Variants in LRRTM4 observed in about 807,000 individuals in gnomAD.
LRRTM4 encodes leucine rich repeat transmembrane neuronal 4.
A neutral mutation model predicts 47.6 loss-of-function variants in LRRTM4; 25 were observed. The ratio of observed to expected loss-of-function variants is 0.53; its 90% CI spans 0.38 to 0.73. LRRTM4 has a LOEUF of 0.73. Among genes scored for constraint, LRRTM4 ranks in the 30% least tolerant of loss-of-function variants. The probability of loss-of-function intolerance (pLI) is 0.00; values close to 1 mark genes in which losing one functional copy is unlikely to be tolerated. For missense variants in LRRTM4, 638 were observed against 713.4 expected (o/e 0.89, Z 1.20); for synonymous variants, 311 against 269.5 (o/e 1.15, Z -1.51).
At chr2:77,276,037 G>C (rs1381102164) in intron 3 of LRRTM4, among the ~76,000 whole-genome samples, 1 of 151,946 alleles carries the variant, frequency 6.6e-6, no homozygotes, top group Non-Finnish European at 1.5e-5. Context: ...TAGGAAAAGT[G>C]TGACTGAAAT....
intron 3 of LRRTM4, among the ~76,000 whole-genome samples, chr2:77,259,004 C>T (rs1002285703): frequency 2.6e-5 from 4 of 151,910 alleles, no homozygotes; most frequent in Non-Finnish European, 5.9e-5. Context: ...TACTAGGAAA[C>T]ATCAAAACAC....
At chr2:77,011,849 T>G (rs1159567139) in intron 3 of LRRTM4, among the ~76,000 whole-genome samples, 2 of 152,124 alleles carry the variant, frequency 1.3e-5, no homozygotes, top group Non-Finnish European at 2.9e-5. Flanking sequence ...CAAGAGATTG[T>G]GTAAATTTAC....
chr2:76,795,818 A>G (rs1675271431), intron 3 of LRRTM4, among the ~76,000 whole-genome samples: 1 of 152,070 alleles, frequency 6.6e-6, no homozygotes, highest in African/African-American at 2.4e-5. Flanking sequence ...AGGAGCCAAG[A>G]TGGCCAAATA....
intron 3 of LRRTM4, among the ~76,000 whole-genome samples, chr2:77,414,484 G>A (rs1674564122): frequency 6.6e-6 from 1 of 152,166 alleles, no homozygotes; most frequent in Admixed American, 6.5e-5. Context: ...TGTTCCCAAT[G>A]AGCCCTGTTC....
chr2:77,343,307 T>C (rs1376635355), intron 3 of LRRTM4, among the ~76,000 whole-genome samples: 1 of 151,942 alleles, frequency 6.6e-6, no homozygotes, highest in East Asian at 1.9e-4. Flanking sequence ...TGTCATAAAA[T>C]AGATTTTTCC....
At chr2:77,124,068 C>A (rs1200966979) in intron 3 of LRRTM4, among the ~76,000 whole-genome samples, 2 of 151,258 alleles carry the variant, frequency 1.3e-5, no homozygotes, top group Non-Finnish European at 2.9e-5. Context: ...GTGATCTACT[C>A]ATTTTTCTAG....
intron 3 of LRRTM4, among the ~76,000 whole-genome samples, chr2:76,814,603 T>C (rs374620048): frequency 6.6e-6 from 1 of 152,084 alleles, no homozygotes; most frequent in South Asian, 2.1e-4. Flanking sequence ...GTATTAGGTA[T>C]TATAAGTAAT....
chr2:76,833,027 G>A (rs542077589), intron 3 of LRRTM4, among the ~76,000 whole-genome samples: 27 of 152,184 alleles, frequency 1.8e-4, no homozygotes, highest in African/African-American at 6.3e-4. Flanking sequence ...TGCTACTTTG[G>A]TGGGAAGAGT....
chr2:76,786,949 G>C (rs11896684), intron 3 of LRRTM4, among the ~76,000 whole-genome samples: 10,186 of 151,984 alleles, frequency 0.067, 1,092 homozygotes, highest in African/African-American at 0.23. Flanking sequence ...AAAGCTGTTT[G>C]TTAGGCACAA....
intron 3 of LRRTM4, among the ~76,000 whole-genome samples, chr2:76,776,939 G>GGT (rs1176734843): frequency 7.3e-6 from 1 of 136,158 alleles, no homozygotes; most frequent in Non-Finnish European, 1.6e-5. Context: ...TTTTGTATAA[G>GGT]GTGTAAGGAA....
intron 3 of LRRTM4, among the ~76,000 whole-genome samples, chr2:77,197,700 T>C (rs1214519797): frequency 6.6e-6 from 1 of 152,230 alleles, no homozygotes; most frequent in East Asian, 1.9e-4. Flanking sequence ...TAAGCCCTTT[T>C]AGCTGACCTT....
At chr2:76,808,906 A>T (rs998767697) in intron 3 of LRRTM4, among the ~76,000 whole-genome samples, 4 of 152,104 alleles carry the variant, frequency 2.6e-5, no homozygotes, top group Non-Finnish European at 4.4e-5. Flanking sequence ...TTTCCATTTT[A>T]GCAGAGACAG....
chr2:76,994,583 T>G (rs1677133515), intron 3 of LRRTM4, among the ~76,000 whole-genome samples: 1 of 151,882 alleles, frequency 6.6e-6, no homozygotes, highest in South Asian at 2.1e-4. Context: ...CCTATTTGCT[T>G]GTAAATAGGA....
At chr2:77,186,440 T>C (rs1186264749) in intron 3 of LRRTM4, among the ~76,000 whole-genome samples, 9 of 152,192 alleles carry the variant, frequency 5.9e-5, no homozygotes, top group Admixed American at 2.0e-4. Flanking sequence ...TAGTGGGATT[T>C]GTGTCTTTTG....
chr2:76,982,107 T>C (rs1352839629), intron 3 of LRRTM4, among the ~76,000 whole-genome samples: 1 of 152,092 alleles, frequency 6.6e-6, no homozygotes, highest in Non-Finnish European at 1.5e-5. Flanking sequence ...CTCTACTATG[T>C]GTCCATGGAT....
At chr2:76,802,236 CAAAA>C (rs60771411) in intron 3 of LRRTM4, among the ~76,000 whole-genome samples, 3 of 139,292 alleles carry the variant, frequency 2.2e-5, no homozygotes, top group African/African-American at 5.2e-5. Flanking sequence ...AAGACTCCAC[CAAAA>C]AAAAAAAAAA....
intron 3 of LRRTM4, among the ~76,000 whole-genome samples, chr2:77,006,716 A>C (rs1677664736): frequency 2.0e-5 from 3 of 152,178 alleles, no homozygotes; most frequent in Admixed American, 1.3e-4. Flanking sequence ...AAGGGTCTGG[A>C]ATCACAATAG....
intron 3 of LRRTM4, among the ~76,000 whole-genome samples, chr2:77,202,204 T>A (rs1673995942): frequency 6.6e-6 from 1 of 152,146 alleles, no homozygotes; most frequent in Non-Finnish European, 1.5e-5. Flanking sequence ...ATCAAATTTC[T>A]TTGGGAGTCC....
intron 3 of LRRTM4, among the ~76,000 whole-genome samples, chr2:77,002,317 G>C (rs540710419): frequency 6.6e-6 from 1 of 152,246 alleles, no homozygotes; most frequent in Non-Finnish European, 1.5e-5. Flanking sequence ...TTCTAAAAGA[G>C]AAGCTGGAAA....
Sources: gnomAD v4.1 joint callset for allele counts (sites outside exome capture counted in the v4.1 genomes callset) on GRCh38, gnomAD v4.1.1 for gene constraint, MANE v1.5 for transcripts, NCBI Gene and HGNC (gene_info 2026-07-23, HGNC 2026-07-21) for gene names.